The following MAP3K15 variants were observed in gnomAD, a reference collection of about 807,000 sequenced individuals.
MAP3K15 encodes the protein MAPK/ERK kinase kinase 15.
A neutral mutation model predicts 99.5 loss-of-function variants in MAP3K15; 124 were observed. The observed-to-expected ratio is 1.25, with a 90% CI of 1.08 to 1.45. The LOEUF is 1.45. MAP3K15 is among the 40% of genes most tolerant of loss of function. The probability of loss-of-function intolerance (pLI) is 0.00; values close to 1 mark genes in which losing one functional copy is unlikely to be tolerated. For synonymous variants in MAP3K15, 494 were observed against 439.6 expected (o/e 1.12, Z -1.55); for missense variants, 1,242 against 1,079.7 (o/e 1.15, Z -2.11).
At chrX:19,381,320 G>A (rs2063456828) in intron 18 of MAP3K15, among the ~76,000 whole-genome samples, 1 of 111,585 alleles carries the variant, frequency 9.0e-6, no homozygotes, top group African/African-American at 3.3e-5. Flanking sequence ...GGAGAGGAAG[G>A]CAGAATCAGG....
chrX:19,485,403 C>T (rs1463714861), intron 3 of MAP3K15, among the ~76,000 whole-genome samples: 2 of 103,056 alleles, frequency 1.9e-5, no homozygotes, highest in Non-Finnish European at 3.9e-5. Flanking sequence ...GTAAATGGGA[C>T]CAAAAAAAGT....
intron 1 of MAP3K15, among the ~76,000 whole-genome samples, chrX:19,510,614 T>C (rs1344731102): frequency 8.9e-6 from 1 of 112,296 alleles, no homozygotes; most frequent in Non-Finnish European, 1.9e-5. Flanking sequence ...GCTGGAAGCA[T>C]TCCCTTTGAA....
rs1337475563 is a variant in MAP3K15, at chrX:19,372,654, TG to T, written c.3106del (p.Gln1036ArgfsTer20). On this transcript the variant is annotated frameshift_variant and splice_region_variant, in exon 22 of 29. Coordinates refer to ENST00000338883, the MANE Select transcript of MAP3K15 (RefSeq NM_001001671.4). LOFTEE classifies it high-confidence loss of function. ...VASNLQECVA[Q>X]SSEELHLSVG... Reference sequence around the variant, plus strand: ...CGGTGCCCTCCCTCGGGCAAATACCTGGGCCACACACTCCTGCAGGTTGGAA... The same window carrying T: ...CGGTGCCCTCCCTCGGGCAAATACCTGGCCACACACTCCTGCAGGTTGGAA... 8.3e-7 allele frequency: 1 copy of T among 1,199,154 alleles called. No homozygotes were observed.
chrX:19,465,310 C>G (rs1450185376), intron 3 of MAP3K15, among the ~76,000 whole-genome samples: 4 of 111,659 alleles, frequency 3.6e-5, no homozygotes, highest in African/African-American at 1.3e-4. Context: ...GGTGACGAGT[C>G]AATGTTGTCT....
intron 9 of MAP3K15, among the ~76,000 whole-genome samples, chrX:19,423,781 A>T (rs1162809838): frequency 9.0e-6 from 1 of 111,631 alleles, no homozygotes; most frequent in East Asian, 2.8e-4. Flanking sequence ...GCCATCCCAG[A>T]TAGTCTATGC....
chrX:19,402,338 C>T (rs781021294), intron 13 of MAP3K15, among the ~76,000 whole-genome samples: 15 of 110,608 alleles, frequency 1.4e-4, no homozygotes, highest in Non-Finnish European at 2.3e-4. Flanking sequence ...CTTAAGAATA[C>T]GGAACAACTG....
chrX:19,374,432 T>C, intron 20 of MAP3K15, 45 bp downstream of exon 20: 4 of 1,154,237 alleles, frequency 3.5e-6, no homozygotes, highest in Non-Finnish European at 4.7e-6. Context: ...GCGCCCAGCA[T>C]TCTTGTGGCC....
At chrX:19,429,612 G>A (rs775515997) in intron 7 of MAP3K15, among the ~76,000 whole-genome samples, 3 of 109,790 alleles carry the variant, frequency 2.7e-5, no homozygotes, top group Non-Finnish European at 5.7e-5. Context: ...TGGACAAAGG[G>A]GGGGAGGTGT....
intron 3 of MAP3K15, among the ~76,000 whole-genome samples, chrX:19,473,481 G>T (rs2147377108): frequency 8.9e-6 from 1 of 112,256 alleles, no homozygotes; most frequent in Admixed American, 9.5e-5. Flanking sequence ...ATTTATAAGT[G>T]GAAACATCTC....
intron 19 of MAP3K15, among the ~76,000 whole-genome samples, chrX:19,374,991 C>A (rs1184093277): frequency 1.8e-5 from 2 of 110,850 alleles, no homozygotes; most frequent in Non-Finnish European, 3.8e-5. Context: ...GGAGGTACGA[C>A]CCCGTGGAGA....
intron 18 of MAP3K15, among the ~76,000 whole-genome samples, chrX:19,391,599 C>T (rs889369273): frequency 1.0e-5 from 1 of 98,488 alleles, no homozygotes. Context: ...CATTTGAACC[C>T]AGGAGGTGGA....
At chrX:19,475,301 G>A (rs1446431459) in intron 3 of MAP3K15, among the ~76,000 whole-genome samples, 1 of 111,093 alleles carries the variant, frequency 9.0e-6, no homozygotes, top group Non-Finnish European at 1.9e-5. Flanking sequence ...CTGCTGATCT[G>A]ACAGGAGGCA....
intron 6 of MAP3K15, among the ~76,000 whole-genome samples, chrX:19,454,290 T>C (rs2064076940): frequency 8.9e-6 from 1 of 112,035 alleles, no homozygotes; most frequent in African/African-American, 3.2e-5. Flanking sequence ...CCTGGGACTT[T>C]GATTCTGATT....
At position 19,481,584 on chromosome X, in the gene MAP3K15, A is replaced by G. The variant is rs142830749; in HGVS notation, c.525+4898T>C. Among the ~76,000 whole-genome samples, 215 of 112,116 alleles carry G rather than the reference A, an allele frequency of 1.9e-3. 2 individuals are homozygous for G. Among genetic ancestry groups the G allele is most frequent in the African/African-American group, 6.7e-3 (206 of 30,872 alleles). On this transcript the variant is annotated intron_variant, in intron 3 of 28. Coordinates refer to ENST00000338883, the MANE Select transcript of MAP3K15 (RefSeq NM_001001671.4). ...ATAGAGAACTCTTACACAGCTTCGTAATAAGAACACAGCCCAATTTTAAAC... is the reference window on the plus strand; with the variant it reads ...ATAGAGAACTCTTACACAGCTTCGTGATAAGAACACAGCCCAATTTTAAAC...
chrX:19,450,911 T>C (rs2064032393), intron 6 of MAP3K15, among the ~76,000 whole-genome samples: 1 of 109,376 alleles, frequency 9.1e-6, no homozygotes, highest in Admixed American at 9.7e-5. Flanking sequence ...ACAACTGGCT[T>C]TTTGTTATAA....
chrX:19,451,712 C>T (rs1186612697), intron 6 of MAP3K15, among the ~76,000 whole-genome samples: 12 of 109,348 alleles, frequency 1.1e-4, no homozygotes, highest in East Asian at 2.8e-4. Context: ...AACTGTACAC[C>T]GCTGGTGAGA....
chrX:19,429,612 G>T (rs775515997), intron 7 of MAP3K15, among the ~76,000 whole-genome samples: 1 of 109,790 alleles, frequency 9.1e-6, no homozygotes, highest in Non-Finnish European at 1.9e-5. Flanking sequence ...TGGACAAAGG[G>T]GGGGAGGTGT....
chrX:19,490,473 C>T (rs1294600957), intron 1 of MAP3K15, among the ~76,000 whole-genome samples: 1 of 111,086 alleles, frequency 9.0e-6, no homozygotes, highest in Non-Finnish European at 1.9e-5. Flanking sequence ...CCTGGCTGGG[C>T]GCAGTGGCTC....
At chrX:19,361,177 T>G in intron 28 of MAP3K15, 162 bp downstream of exon 28, 1 of 449,457 alleles carries the variant, frequency 2.2e-6, no homozygotes. Context: ...TTCTGACTTC[T>G]GCCTGGCTTT....
Sources: allele counts gnomAD v4.1 joint callset (sites outside exome capture counted in the v4.1 genomes callset), GRCh38; gene constraint gnomAD v4.1.1; transcripts MANE v1.5; gene names NCBI Gene and HGNC (gene_info 2026-07-23, HGNC 2026-07-21).